PINX1: variants seen among roughly 807,000 people sequenced by gnomAD.
PINX1 encodes the protein PIN2 (TERF1) interacting telomerase inhibitor 1.
In PINX1, 34 loss-of-function variants were observed where a neutral mutation model predicts 25.4. The ratio of observed to expected loss-of-function variants is 1.34; its 90% CI spans 1.02 to 1.78. PINX1 has a LOEUF of 1.78. Among genes scored for constraint, PINX1 ranks in the 40% most tolerant of loss-of-function variants. The probability of loss-of-function intolerance (pLI) is 0.00; values close to 1 mark genes in which losing one functional copy is unlikely to be tolerated. For synonymous variants in PINX1, 197 were observed against 147.7 expected (o/e 1.33, Z -2.42); for missense variants, 592 against 404.9 (o/e 1.46, Z -3.97).
intron 6 of PINX1, among the ~76,000 whole-genome samples, chr8:10,819,453 T>G (rs1403332638): frequency 1.3e-5 from 2 of 152,226 alleles, no homozygotes; most frequent in South Asian, 2.1e-4. Flanking sequence ...ATTCCAGATT[T>G]TCTCAGACAA....
At chr8:10,789,736 C>T (rs147852415) in intron 6 of PINX1, among the ~76,000 whole-genome samples, 1 of 152,244 alleles carries the variant, frequency 6.6e-6, no homozygotes, top group Admixed American at 6.5e-5. Context: ...TGTCCGTATC[C>T]GATGACCCTG....
At chr8:10,782,478 G>A (rs1420897940) in intron 6 of PINX1, among the ~76,000 whole-genome samples, 2 of 151,910 alleles carry the variant, frequency 1.3e-5, no homozygotes, top group African/African-American at 4.8e-5. Context: ...GCTCACGCCT[G>A]TAATCCTAGC....
intron 6 of PINX1, among the ~76,000 whole-genome samples, chr8:10,818,481 C>T (rs191053581): frequency 1.3e-5 from 2 of 152,280 alleles, no homozygotes; most frequent in South Asian, 2.1e-4. Flanking sequence ...CTGCACCAAA[C>T]ACATAAATTC....
chr8:10,812,553 T>C (rs1416798069), intron 6 of PINX1, among the ~76,000 whole-genome samples: 2 of 152,224 alleles, frequency 1.3e-5, no homozygotes, highest in Non-Finnish European at 2.9e-5. Context: ...TACCTTTCGA[T>C]GAATTTCATC....
At chr8:10,780,896 A>G (rs1244887080) in intron 6 of PINX1, among the ~76,000 whole-genome samples, 1 of 152,224 alleles carries the variant, frequency 6.6e-6, no homozygotes, top group African/African-American at 2.4e-5. Context: ...GAATAACTGA[A>G]GTAATTCTGA....
chr8:10,781,245 T>C (rs555187697), intron 6 of PINX1, among the ~76,000 whole-genome samples: 3 of 151,976 alleles, frequency 2.0e-5, no homozygotes, highest in Non-Finnish European at 4.4e-5. Flanking sequence ...ACCATTAAAC[T>C]CCCAGAAGAA....
chr8:10,829,231 A>T (rs1330320403), intron 4 of PINX1, among the ~76,000 whole-genome samples: 1 of 150,522 alleles, frequency 6.6e-6, no homozygotes, highest in African/African-American at 2.5e-5. Flanking sequence ...GGTTGCGGTA[A>T]GCCAAGATTG....
intron 6 of PINX1, among the ~76,000 whole-genome samples, chr8:10,779,476 T>C (rs1161833831): frequency 6.6e-6 from 1 of 152,156 alleles, no homozygotes; most frequent in Non-Finnish European, 1.5e-5. Flanking sequence ...TTTAACTGTA[T>C]AGACTGAATG....
At chr8:10,821,503 T>G (rs1164219823) in intron 5 of PINX1, among the ~76,000 whole-genome samples, 2 of 152,168 alleles carry the variant, frequency 1.3e-5, no homozygotes, top group Non-Finnish European at 2.9e-5. Flanking sequence ...GCCCTCCTGC[T>G]TTTCATTTAT....
At chr8:10,783,137 T>TTAA (rs1435442434) in intron 6 of PINX1, among the ~76,000 whole-genome samples, 1 of 152,170 alleles carries the variant, frequency 6.6e-6, no homozygotes, top group Non-Finnish European at 1.5e-5. Flanking sequence ...TCCATGAAAA[T>TTAA]GTAAAGAAAA....
Position 10,781,837 on chromosome 8 carries a change from A to G in PINX1, c.472-15921T>C, listed in dbSNP as rs1360805599. On this transcript the variant is annotated intron_variant, in intron 6 of 6. Coordinates refer to ENST00000314787, the MANE Select transcript of PINX1 (RefSeq NM_017884.6). Reference sequence around the variant, plus strand: ...TAGCCCAGCAACCCCTCTTCTGGAAATATACCCAAAGCAAATCAAATCACC... The same window carrying G: ...TAGCCCAGCAACCCCTCTTCTGGAAGTATACCCAAAGCAAATCAAATCACC... 2.6e-5 allele frequency among the ~76,000 whole-genome samples: 4 copies of G among 152,202 alleles called. No individual in the cohort carries two copies. The East Asian group carries it at 7.7e-4, about 29-fold the overall frequency.
intron 6 of PINX1, among the ~76,000 whole-genome samples, chr8:10,776,322 G>A (rs537947503): frequency 6.6e-6 from 1 of 152,152 alleles, no homozygotes; most frequent in African/African-American, 2.4e-5. Flanking sequence ...CTACTTGGGA[G>A]GCTGAGACAG....
chr8:10,790,678 C>G (rs1413695179), intron 6 of PINX1, among the ~76,000 whole-genome samples: 1 of 152,214 alleles, frequency 6.6e-6, no homozygotes, highest in Non-Finnish European at 1.5e-5. Context: ...GGCTCGGGCT[C>G]TGGCATCCTC....
intron 6 of PINX1, among the ~76,000 whole-genome samples, chr8:10,778,677 C>A (rs1387659704): frequency 2.0e-5 from 3 of 152,282 alleles, no homozygotes; most frequent in African/African-American, 2.4e-5. Context: ...TCAGAATGGC[C>A]CACATTTATT....
At chr8:10,776,575 C>T (rs1394385940) in intron 6 of PINX1, among the ~76,000 whole-genome samples, 1 of 152,186 alleles carries the variant, frequency 6.6e-6, no homozygotes, top group Non-Finnish European at 1.5e-5. Flanking sequence ...CAACCAATTT[C>T]TTCCAAAAAT....
chr8:10,807,848 G>A (rs549783959), intron 6 of PINX1, among the ~76,000 whole-genome samples: 1 of 152,296 alleles, frequency 6.6e-6, no homozygotes, highest in Non-Finnish European at 1.5e-5. Flanking sequence ...AAGTCCAGGA[G>A]GCCAGGGAAA....
Position 10,786,326 on chromosome 8 carries a change from T to C in PINX1, c.472-20410A>G, listed in dbSNP as rs142641387. 3.3e-5 allele frequency among the ~76,000 whole-genome samples: 5 copies of C among 152,294 alleles called. No individual in the cohort carries two copies. In the East Asian group the frequency reaches 9.6e-4, roughly 29 times the overall value. On this transcript the variant is annotated intron_variant, in intron 6 of 6. Coordinates refer to ENST00000314787, the MANE Select transcript of PINX1 (RefSeq NM_017884.6). ...AAAGTGAAGAGGCCTTCCTATTCTC[T>C]TGCATGGTTGGCTCTTTCTACAACA...
chr8:10,822,919 C>T (rs1797922156), intron 5 of PINX1, among the ~76,000 whole-genome samples: 1 of 152,164 alleles, frequency 6.6e-6, no homozygotes, highest in African/African-American at 2.4e-5. Context: ...TTGCATTATT[C>T]AATCAAGAAG....
rs539663338 is a variant in PINX1, at chr8:10,828,309, C to G, written c.302-2065G>C. 5.3e-5 allele frequency among the ~76,000 whole-genome samples: 8 copies of G among 152,292 alleles called. No homozygotes were observed. The East Asian group carries it at 1.5e-3, about 29-fold the overall frequency. On this transcript the variant is annotated intron_variant, in intron 4 of 6. Transcript: ENST00000314787. ...ATTTTCAATGCTGATGTTCCAATCA[C>G]AAATCACAGAGGAAGTTATCAGCTT...
Sources: gnomAD v4.1 joint callset for allele counts (sites outside exome capture counted in the v4.1 genomes callset) on GRCh38, gnomAD v4.1.1 for gene constraint, MANE v1.5 for transcripts, NCBI Gene and HGNC (gene_info 2026-07-23, HGNC 2026-07-21) for gene names.